ZNF804B: variants seen among roughly 807,000 people sequenced by gnomAD.
ZNF804B encodes the protein zinc finger protein 804B.
A neutral mutation model predicts 101.4 loss-of-function variants in ZNF804B; 80 were observed. That is an observed-to-expected ratio of 0.79 (90% CI 0.66 to 0.95). ZNF804B has a LOEUF of 0.95. ZNF804B is among the 40% of genes least tolerant of loss of function. The probability of loss-of-function intolerance (pLI) is 0.00; values close to 1 mark genes in which losing one functional copy is unlikely to be tolerated. For synonymous variants in ZNF804B, 622 were observed against 558.8 expected, an observed-to-expected ratio of 1.11 and a Z score of -1.59; for missense variants, 1,673 against 1,561.9, an observed-to-expected ratio of 1.07 and a Z score of -1.20.
chr7:88,947,486 A>T (rs1448544219), intron 1 of ZNF804B, among the ~76,000 whole-genome samples: 1 of 151,358 alleles, frequency 6.6e-6, no homozygotes, highest in Non-Finnish European at 1.5e-5. Context: ...GGACACAGGG[A>T]GGGGAACATC....
At chr7:89,064,792 C>T (rs1789432349) in intron 1 of ZNF804B, among the ~76,000 whole-genome samples, 1 of 152,066 alleles carries the variant, frequency 6.6e-6, no homozygotes, top group African/African-American at 2.4e-5. Flanking sequence ...TTCTTAACTT[C>T]AGTGGAAGGT....
chr7:89,085,523 A>G (rs559594918), intron 1 of ZNF804B, among the ~76,000 whole-genome samples: 1 of 151,856 alleles, frequency 6.6e-6, no homozygotes, highest in Non-Finnish European at 1.5e-5. Flanking sequence ...GTATTAATCC[A>G]TGGAACCGTG....
intron 1 of ZNF804B, among the ~76,000 whole-genome samples, chr7:89,216,535 T>G (rs1788900135): frequency 6.6e-6 from 1 of 152,180 alleles, no homozygotes; most frequent in Non-Finnish European, 1.5e-5. Context: ...CCACTAATTT[T>G]TTATATCCTC....
intron 1 of ZNF804B, among the ~76,000 whole-genome samples, chr7:88,829,427 T>C (rs1387821623): frequency 6.6e-6 from 1 of 152,138 alleles, no homozygotes; most frequent in Non-Finnish European, 1.5e-5. Context: ...TGGTGATTAA[T>C]AAATCATAAA....
intron 1 of ZNF804B, among the ~76,000 whole-genome samples, chr7:88,937,295 C>T (rs760627002): frequency 7.9e-5 from 12 of 152,006 alleles, no homozygotes; most frequent in Non-Finnish European, 1.0e-4. Flanking sequence ...GCTGCAGTCC[C>T]TAATGCCCAT....
intron 1 of ZNF804B, among the ~76,000 whole-genome samples, chr7:88,873,179 G>A (rs866180474): frequency 3.3e-5 from 5 of 152,102 alleles, no homozygotes; most frequent in African/African-American, 1.2e-4. Flanking sequence ...GTGTGAGATG[G>A]TATCTCATTG....
rs1301337171 is a variant in ZNF804B, at chr7:88,801,768, CTT to C, written c.108+41686_108+41687del. ...AGACAGTTTTTATAGAAAAAAAGAA[CTT>C]TGAAAAAATGAATATATGTATTAAT... On this transcript the variant is annotated intron_variant, in intron 1 of 3. Transcript: ENST00000333190. Among the ~76,000 whole-genome samples the C allele has an allele frequency of 5.3e-5, 8 of 152,048 alleles. No individual in the cohort carries two copies. The East Asian group carries it at 1.5e-3, about 29-fold the overall frequency.
intron 1 of ZNF804B, among the ~76,000 whole-genome samples, chr7:88,801,712 A>T (rs936295991): frequency 3.3e-5 from 5 of 152,114 alleles, no homozygotes; most frequent in Non-Finnish European, 5.9e-5. Flanking sequence ...TAAAAAAGAA[A>T]CAAAATTACT....
chr7:89,120,177 G>T (rs1378946356), intron 1 of ZNF804B, among the ~76,000 whole-genome samples: 1 of 151,960 alleles, frequency 6.6e-6, no homozygotes, highest in Non-Finnish European at 1.5e-5. Flanking sequence ...CCAGCTACTT[G>T]GTAGGCCGAG....
intron 1 of ZNF804B, among the ~76,000 whole-genome samples, chr7:89,140,542 G>A (rs1790701968): frequency 6.6e-6 from 1 of 152,030 alleles, no homozygotes; most frequent in Admixed American, 6.6e-5. Context: ...ATTACTTGCT[G>A]TGCTTCTACA....
chr7:88,766,961 G>T lies in ZNF804B; in HGVS notation c.108+6877G>T, dbSNP rs532175958. ...GCAAATTTTATTTCACTTTTGTGTG[G>T]GTGTAAGAGGCAGAATATAGCTTAT... On this transcript the variant is annotated intron_variant, in intron 1 of 3. Transcript: ENST00000333190. Among the ~76,000 whole-genome samples, 3 of 152,160 alleles carry T rather than the reference G, an allele frequency of 2.0e-5. No homozygotes were observed. The East Asian group carries it at 5.8e-4, about 30-fold the overall frequency.
chr7:88,807,653 A>G (rs564985439), intron 1 of ZNF804B, among the ~76,000 whole-genome samples: 1 of 152,242 alleles, frequency 6.6e-6, no homozygotes, highest in Admixed American at 6.5e-5. Flanking sequence ...CATGCCATAG[A>G]TAAAACTAGA....
intron 1 of ZNF804B, among the ~76,000 whole-genome samples, chr7:88,784,471 C>A (rs1790271372): frequency 6.6e-6 from 1 of 152,048 alleles, no homozygotes; most frequent in Non-Finnish European, 1.5e-5. Context: ...GCCCTTTTAC[C>A]CTGGGGCCAC....
At chr7:88,900,310 C>T (rs1792369355) in intron 1 of ZNF804B, among the ~76,000 whole-genome samples, 1 of 151,860 alleles carries the variant, frequency 6.6e-6, no homozygotes, top group African/African-American at 2.4e-5. Flanking sequence ...ATGAACTATT[C>T]AGACCCCTTA....
At chr7:89,025,381 ATCTT>A (rs564032227) in intron 1 of ZNF804B, among the ~76,000 whole-genome samples, 395 of 152,202 alleles carry the variant, frequency 2.6e-3, no homozygotes, top group Admixed American at 4.9e-3. Flanking sequence ...GCTATTATCT[ATCTT>A]AAGAGCTTGG....
At chr7:88,861,550 A>G (rs530090162) in intron 1 of ZNF804B, among the ~76,000 whole-genome samples, 2 of 152,140 alleles carry the variant, frequency 1.3e-5, no homozygotes, top group Non-Finnish European at 2.9e-5. Context: ...AAACTACTAC[A>G]TATTTTTGTA....
chr7:89,132,540 C>T (rs1345022757), intron 1 of ZNF804B, among the ~76,000 whole-genome samples: 3 of 152,010 alleles, frequency 2.0e-5, no homozygotes, highest in South Asian at 2.1e-4. Flanking sequence ...CCACTACCTA[C>T]TGCTGTGACC....
At chr7:89,090,122 C>T (rs1789861009) in intron 1 of ZNF804B, among the ~76,000 whole-genome samples, 1 of 152,036 alleles carries the variant, frequency 6.6e-6, no homozygotes, top group Non-Finnish European at 1.5e-5. Flanking sequence ...CTCTTCCCAT[C>T]ATCATTAATT....
intron 1 of ZNF804B, among the ~76,000 whole-genome samples, chr7:88,818,242 A>G (rs1190840510): frequency 1.3e-5 from 2 of 152,198 alleles, no homozygotes; most frequent in Admixed American, 6.5e-5. Flanking sequence ...TTAGTCACAA[A>G]AATGTCATTA....
Sources: allele counts gnomAD v4.1 joint callset (sites outside exome capture counted in the v4.1 genomes callset), GRCh38; gene constraint gnomAD v4.1.1; transcripts MANE v1.5; gene names NCBI Gene and HGNC (gene_info 2026-07-23, HGNC 2026-07-21).